The following OR51M1 variants were observed in gnomAD, a reference collection of about 807,000 sequenced individuals.
OR51M1 encodes the protein olfactory receptor 51M1.
For missense variants in OR51M1, 509 were observed against 404.4 expected (o/e 1.26, Z -2.22); for synonymous variants, 199 against 155.1 (o/e 1.28, Z -2.10).
Position 5,390,464 on chromosome 11 carries a change from C to A in OR51M1, c.*85C>A. 7 of 1,199,590 alleles carry A rather than the reference C, an allele frequency of 5.8e-6. No individual in the cohort carries two copies. The highest frequency in any genetic ancestry group is 5.7e-6 in the Non-Finnish European group (5 of 882,406). 74.3% of individuals were successfully genotyped at this position (1,199,590 alleles called of 1,614,324 possible). On this transcript the variant is annotated 3_prime_UTR_variant, in exon 3 of 3. Transcript: ENST00000642046. ...TTTGGAGTATTGAGTATATAGCATG[C>A]TCTTAAAGATTTTTTGCCCCTGTCC...
chr11:5,387,125 A>G lies in OR51M1; in HGVS notation c.-16+1667A>G, dbSNP rs372630228. The stretch of plus-strand genomic sequence containing the variant: ...ATGAGAAGTTAAGGTGTTCAAGGAC[A>G]GTAAACTGAATAACATAAATATTTG... On this transcript the variant is annotated intron_variant, in intron 2 of 2. Coordinates refer to ENST00000642046, the MANE Select transcript of OR51M1 (RefSeq NM_001004756.3). Among the ~76,000 whole-genome samples the G allele has an allele frequency of 1.2e-3, 178 of 152,330 alleles. 2 individuals carry two copies. The highest frequency in any genetic ancestry group is 4.1e-3 in the African/African-American group (169 of 41,572).
chr11:5,389,802 T>C lies in OR51M1; in HGVS notation c.404T>C (p.Leu135Pro). The C allele has an allele frequency of 6.2e-7, 1 of 1,613,976 alleles. No homozygotes were observed. The change falls in exon 3 of 3, where the codon CTT (leucine) becomes CCT (proline). Residue 135 changes from leucine (L) to proline (P), a missense_variant. Physicochemically the swap from Leu to Pro is moderately conservative, Grantham distance 98. Transcript: ENST00000642046. ...SVLLMMSFDR[L>P]VAICHPLRYS... is the part of the protein sequence containing the mutation. ...CTCCTCATGATGTCCTTTGACCGCC[T>C]TGTGGCCATCTGCCACCCTCTGAGG...
At chr11:5,387,685 C>A (rs565736866) in intron 2 of OR51M1, among the ~76,000 whole-genome samples, 1 of 151,996 alleles carries the variant, frequency 6.6e-6, no homozygotes, top group Non-Finnish European at 1.5e-5. Context: ...ACTTGTCAAG[C>A]TGCTCTCTGC....
chr11:5,386,594 A>G (rs1311862002), intron 2 of OR51M1, among the ~76,000 whole-genome samples: 1 of 152,108 alleles, frequency 6.6e-6, no homozygotes, highest in African/African-American at 2.4e-5. Context: ...TGAAGTACTG[A>G]AAACAGTGCA....
At chr11:5,385,196 C>A (rs1589967122) in intron 1 of OR51M1, among the ~76,000 whole-genome samples, 157 bp from the exon 2 acceptor site, 1 of 152,172 alleles carries the variant, frequency 6.6e-6, no homozygotes, top group East Asian at 1.9e-4. Flanking sequence ...TCTGAGTGGA[C>A]TCCTCCATTG....
At position 5,389,584 on chromosome 11, in the gene OR51M1, G is replaced by C. The variant is rs1377329488; in HGVS notation, c.186G>C (p.Lys62Asn). ...SGNCFILIII[K>N]TNPRLHTPMY... is the part of the protein sequence containing the mutation. ...ATTGTTTCATTCTGATCATTATTAAGACCAACCCTCGTCTGCACACACCCA... is the reference window on the plus strand; with the variant it reads ...ATTGTTTCATTCTGATCATTATTAACACCAACCCTCGTCTGCACACACCCA... Residue 62 changes from lysine to asparagine, a missense_variant, in exon 3 of 3, where the codon AAG becomes AAC. Lys to Asn is a moderately conservative substitution (Grantham distance 94). Transcript: ENST00000642046. The C allele has an allele frequency of 6.2e-7, 1 of 1,613,794 alleles. No homozygotes were observed. The highest frequency in any genetic ancestry group is 1.7e-5 in the Admixed American group (1 of 60,008).
At chr11:5,388,759 A>T (rs538326067) in intron 2 of OR51M1, among the ~76,000 whole-genome samples, 13 of 152,052 alleles carry the variant, frequency 8.5e-5, no homozygotes, top group Non-Finnish European at 1.5e-4. Flanking sequence ...AGTAGTACAA[A>T]AGATGAGTCA....
chr11:5,391,758 G>T lies in OR51M1; in HGVS notation c.*1379G>T, dbSNP rs1266270042. 1.1e-5 allele frequency: 1 copy of T among 88,600 alleles called. No homozygotes were observed. Among genetic ancestry groups the T allele is most frequent in the Non-Finnish European group, 2.5e-5 (1 of 40,698 alleles). 5.5% of individuals were successfully genotyped at this position (88,600 alleles called of 1,614,324 possible). Reference sequence around the variant, plus strand: ...AAATTACCATGAGGCCAGGCACGGTGGCTTATGCTATAATCCCAGCACTTT... The same window carrying T: ...AAATTACCATGAGGCCAGGCACGGTTGCTTATGCTATAATCCCAGCACTTT... On this transcript the variant is annotated 3_prime_UTR_variant, in exon 3 of 3. Coordinates refer to ENST00000642046, the MANE Select transcript of OR51M1 (RefSeq NM_001004756.3).
chr11:5,389,559 A>ATTGT lies in OR51M1; in HGVS notation c.164_167dup (p.Phe56LeufsTer8). ...ATGTACATGGTTGCCATCTCAGGCAATTGTTTCATTCTGATCATTATTAAG... is the reference window on the plus strand; with the variant it reads ...ATGTACATGGTTGCCATCTCAGGCAATTGTTTGTTTCATTCTGATCATTATTAAG... On this transcript the variant is annotated frameshift_variant, in exon 3 of 3. Transcript: ENST00000642046. LOFTEE classifies it low-confidence loss of function (END_TRUNC). The ATTGT allele has an allele frequency of 1.2e-6, 2 of 1,613,918 alleles. No homozygotes were observed. Among genetic ancestry groups the ATTGT allele is most frequent in the Non-Finnish European group, 8.5e-7 (1 of 1,179,880 alleles).
rs1316335956 is a variant in OR51M1, at chr11:5,390,412, T to C, written c.*33T>C. ...GGCTAAAACTCCCCCTAGAGGCCTATAAGAAGGCCCCAAATTGGACTGAAA... is the reference window on the plus strand; with the variant it reads ...GGCTAAAACTCCCCCTAGAGGCCTACAAGAAGGCCCCAAATTGGACTGAAA... On this transcript the variant is annotated 3_prime_UTR_variant, in exon 3 of 3. Coordinates refer to ENST00000642046, the MANE Select transcript of OR51M1 (RefSeq NM_001004756.3). 1.5e-5 allele frequency: 22 copies of C among 1,514,548 alleles called. No homozygotes were observed. Among genetic ancestry groups the C allele is most frequent in the Non-Finnish European group, 2.0e-5 (22 of 1,128,080 alleles). 93.8% of individuals were successfully genotyped at this position (1,514,548 alleles called of 1,614,324 possible). A position where few individuals can be genotyped will look rare whatever the true frequency, so the allele number is the denominator to read the frequency against.
chr11:5,384,224 C>T (rs1849651697), intron 1 of OR51M1, among the ~76,000 whole-genome samples: 1 of 152,102 alleles, frequency 6.6e-6, no homozygotes, highest in Non-Finnish European at 1.5e-5. Flanking sequence ...ACCCAGGCTA[C>T]AGTGCAGTGG....
At chr11:5,389,163 C>G (rs1849750150) in intron 2 of OR51M1, among the ~76,000 whole-genome samples, 1 of 151,960 alleles carries the variant, frequency 6.6e-6, no homozygotes, top group African/African-American at 2.4e-5. Flanking sequence ...TAAAGGCACA[C>G]CAGCAAAGAG....
Position 5,390,591 on chromosome 11 carries a change from A to C in OR51M1, c.*212A>C. 1.9e-6 allele frequency: 1 copy of C among 512,944 alleles called. No individual in the cohort carries two copies. The highest frequency in any genetic ancestry group is 3.4e-6 in the Non-Finnish European group (1 of 293,878). The allele number at this position is 512,944 out of a possible 1,614,324, so 31.8% of individuals were successfully genotyped here. On this transcript the variant is annotated 3_prime_UTR_variant, in exon 3 of 3. Transcript: ENST00000642046. Reference sequence around the variant, plus strand: ...GCTCCTCCTACAGCTGAGAACTGGCATTTTTGGTAGCATCAAAGCTATCCA... The same window carrying C: ...GCTCCTCCTACAGCTGAGAACTGGCCTTTTTGGTAGCATCAAAGCTATCCA...
chr11:5,390,926 G>GC lies in OR51M1; in HGVS notation c.*548dup, dbSNP rs2133730212. ...CATTCTTCCTCAACACCTGTTTCAA[G>GC]CAACACCCCCCCAAATTTCTAAGGT... On this transcript the variant is annotated 3_prime_UTR_variant, in exon 3 of 3. Coordinates refer to ENST00000642046, the MANE Select transcript of OR51M1 (RefSeq NM_001004756.3). 1 of 153,218 alleles carries GC rather than the reference G, an allele frequency of 6.5e-6. No homozygotes were observed. The highest frequency in any genetic ancestry group is 2.4e-5 in the African/African-American group (1 of 41,520). 9.5% of individuals were successfully genotyped at this position (153,218 alleles called of 1,614,324 possible).
At position 5,389,562 on chromosome 11, in the gene OR51M1, G is replaced by T. The variant is rs377517295; in HGVS notation, c.164G>T (p.Cys55Phe). Residue 55 changes from cysteine to phenylalanine, a missense_variant, in exon 3 of 3, where the codon TGT becomes TTT. Coordinates refer to ENST00000642046, the MANE Select transcript of OR51M1 (RefSeq NM_001004756.3). ...TACATGGTTGCCATCTCAGGCAATT[G>T]TTTCATTCTGATCATTATTAAGACC... ...FMYMVAISGN[C>F]FILIIIKTNP... 1 of 1,613,670 alleles carries T rather than the reference G, an allele frequency of 6.2e-7. No individual in the cohort carries two copies. The highest frequency in any genetic ancestry group is 1.3e-5 in the African/African-American group (1 of 74,856).
At chr11:5,387,321 T>C (rs572343087) in intron 2 of OR51M1, among the ~76,000 whole-genome samples, 2 of 152,262 alleles carry the variant, frequency 1.3e-5, no homozygotes, top group East Asian at 3.9e-4. Flanking sequence ...GACTCTCCAT[T>C]GCATTTGGCC....
At position 5,390,265 on chromosome 11, in the gene OR51M1, C is replaced by T; in HGVS notation, c.867C>T (p.Ala289=). 6.2e-7 allele frequency: 1 copy of T among 1,613,968 alleles called. No homozygotes were observed. Among genetic ancestry groups the T allele is most frequent in the Non-Finnish European group, 8.5e-7 (1 of 1,179,880 alleles). Reference sequence around the variant, plus strand: ...CACCTGCTATTCATCTTCTTATGGCCAATGTCTACCTTTTTGTGCCTCCCA... The same window carrying T: ...CACCTGCTATTCATCTTCTTATGGCTAATGTCTACCTTTTTGTGCCTCCCA... ...HAPPAIHLLM[A]NVYLFVPPML... is the part of the protein sequence containing the mutation. The change falls in exon 3 of 3, where the codon GCC becomes GCT. Residue 289 remains alanine, a synonymous_variant. Coordinates refer to ENST00000642046, the MANE Select transcript of OR51M1 (RefSeq NM_001004756.3).
intron 2 of OR51M1, among the ~76,000 whole-genome samples, chr11:5,388,543 G>A (rs1409238571): frequency 1.4e-5 from 2 of 146,152 alleles, no homozygotes; most frequent in South Asian, 2.3e-4. Flanking sequence ...GTTTACCTAT[G>A]AGCAAGCATA....
chr11:5,384,975 A>G (rs1849663947), intron 1 of OR51M1, among the ~76,000 whole-genome samples: 1 of 152,182 alleles, frequency 6.6e-6, no homozygotes, highest in South Asian at 2.1e-4. Context: ...TCTCCTATTT[A>G]CAAGAAACAG....
Sources: allele counts gnomAD v4.1 joint callset (sites outside exome capture counted in the v4.1 genomes callset), GRCh38; gene constraint gnomAD v4.1.1; transcripts MANE v1.5; gene names NCBI Gene and HGNC (gene_info 2026-07-23, HGNC 2026-07-21).